CHID1: variants seen among roughly 807,000 people sequenced by gnomAD.
CHID1 encodes chitinase domain containing 1, also known as chitinase domain-containing protein 1.
A neutral mutation model predicts 55.4 loss-of-function variants in CHID1; 44 were observed. The observed-to-expected ratio is 0.79, with a 90% CI of 0.62 to 1.02. The LOEUF is 1.02. Ranked by LOEUF, CHID1 falls within the 50% of genes least tolerant of loss-of-function variation. The pLI is 0.00. For synonymous variants in CHID1, 216 were observed against 212.9 expected (o/e 1.01, Z -0.13); for missense variants, 491 against 515.3 (o/e 0.95, Z 0.46).
chr11:878,531 C>G (rs1394661413), intron 10 of CHID1, among the ~76,000 whole-genome samples: 1 of 151,774 alleles, frequency 6.6e-6, no homozygotes, highest in Admixed American at 6.5e-5. Context: ...CCATTGCACT[C>G]CAGCCTGGGC....
chr11:914,105 T>C (rs1852831991), upstream of CHID1, among the ~76,000 whole-genome samples: 1 of 151,882 alleles, frequency 6.6e-6, no homozygotes. Context: ...TCTTCTAGGC[T>C]TAAAAGGGAA....
At chr11:887,814 C>T (rs954519339) in intron 8 of CHID1, among the ~76,000 whole-genome samples, 15 of 152,226 alleles carry the variant, frequency 9.9e-5, no homozygotes, top group Admixed American at 7.9e-4. Context: ...CTGTCCCTCT[C>T]GTGGGCGCCA....
chr11:900,129 C>A lies in CHID1; in HGVS notation c.440-19G>T. The A allele has an allele frequency of 6.3e-7, 1 of 1,589,910 alleles. No homozygotes were observed. The highest frequency in any genetic ancestry group is 8.6e-7 in the Non-Finnish European group (1 of 1,158,998). On this transcript the variant is annotated intron_variant, in intron 5 of 12. Transcript: ENST00000323578. ...CGAGGCACTGCAGGGGCAACAGACA[C>A]ACACGGGGGCCGTGACTGGGAGATG...
intron 1 of CHID1, among the ~76,000 whole-genome samples, chr11:907,784 T>C (rs1052918934): frequency 1.3e-5 from 2 of 152,108 alleles, no homozygotes; most frequent in African/African-American, 4.8e-5. Flanking sequence ...CCTGAGTATA[T>C]GGGAGCTCAG....
upstream of CHID1, among the ~76,000 whole-genome samples, chr11:913,143 C>T (rs994880369): frequency 1.3e-5 from 2 of 148,148 alleles, no homozygotes; most frequent in Admixed American, 1.3e-4. Flanking sequence ...GGAAAATTGC[C>T]CCCCCCCGCA....
Position 891,326 on chromosome 11 carries a change from G to A in CHID1, c.701+2101C>T, listed in dbSNP as rs150673110. On this transcript the variant is annotated intron_variant, in intron 8 of 12. Transcript: ENST00000323578. Reference sequence around the variant, plus strand: ...GGGCCTCGGCCCCGCCCCCAGCCTCGTCACCGTGCCCGTAGCCCTGGCGTG... The same window carrying A: ...GGGCCTCGGCCCCGCCCCCAGCCTCATCACCGTGCCCGTAGCCCTGGCGTG... 2.7e-4 allele frequency among the ~76,000 whole-genome samples: 41 copies of A among 152,188 alleles called. No homozygotes were observed. In the East Asian group the frequency reaches 5.0e-3, roughly 19 times the overall value.
intron 7 of CHID1, 79 bp from the exon 8 acceptor site, chr11:893,598 G>C: frequency 1.7e-6 from 2 of 1,180,730 alleles, no homozygotes; most frequent in Non-Finnish European, 2.4e-6. Flanking sequence ...CGCTGCCTCA[G>C]GGAGGGGTGG....
At chr11:891,981 T>C (rs1850867563) in intron 8 of CHID1, among the ~76,000 whole-genome samples, 1 of 141,098 alleles carries the variant, frequency 7.1e-6, no homozygotes, top group South Asian at 2.2e-4. Context: ...CTGGGTGTGG[T>C]GACATGTGCC....
chr11:891,938 CAAAAAAAAAAAAA>C (rs57065345), intron 8 of CHID1, among the ~76,000 whole-genome samples: 2 of 102,934 alleles, frequency 1.9e-5, no homozygotes, highest in Non-Finnish European at 3.6e-5. Context: ...ACCTCATTTC[CAAAAAAAAAAAAA>C]AAAAAAAAAC....
chr11:911,041 G>C (rs1177222562), upstream of CHID1: 4 of 153,830 alleles, frequency 2.6e-5, no homozygotes, highest in African/African-American at 9.7e-5. Context: ...GCTGGAGCTG[G>C]TTATCAGGTT....
In CHID1 at chr11:869,799, GCTCA is replaced by G; in HGVS notation, c.*55_*58del. Reference sequence around the variant, plus strand: ...GAGTGGAGGCCTGTATTTCACACCTGCTCACTCACTCCATGGCTTAGAAAAGAAC... The same window carrying G: ...GAGTGGAGGCCTGTATTTCACACCTGCTCACTCCATGGCTTAGAAAAGAAC... On this transcript the variant is annotated 3_prime_UTR_variant, in exon 13 of 13. Transcript: ENST00000323578. 1.4e-6 allele frequency: 2 copies of G among 1,459,952 alleles called. No individual in the cohort carries two copies. Among genetic ancestry groups the G allele is most frequent in the South Asian group, 2.3e-5 (2 of 87,818 alleles). 90.4% of individuals were successfully genotyped at this position (1,459,952 alleles called of 1,614,324 possible). A position where few individuals can be genotyped will look rare whatever the true frequency, so the allele number is the denominator to read the frequency against.
Position 869,919 on chromosome 11 carries a change from C to CCCAGCTCCCGGG in CHID1, c.1109_1120dup (p.Ala370_Leu373dup). 1 of 1,612,850 alleles carries CCCAGCTCCCGGG rather than the reference C, an allele frequency of 6.2e-7. No individual in the cohort carries two copies. Among genetic ancestry groups the CCCAGCTCCCGGG allele is most frequent in the East Asian group, 2.2e-5 (1 of 44,888 alleles). ...CAGCTCCCAGATAGAGACCCCAACG[C>CCCAGCTCCCGGG]CCAGCTCCCGGGCCAGCTCCAGCCG... On this transcript the variant is annotated inframe_insertion, in exon 13 of 13. Coordinates refer to ENST00000323578, the MANE Select transcript of CHID1 (RefSeq NM_023947.4).
intron 3 of CHID1, 42 bp downstream of exon 3, chr11:902,920 A>G: frequency 6.3e-7 from 1 of 1,593,272 alleles, no homozygotes; most frequent in African/African-American, 1.3e-5. Context: ...AGCCCACCTG[A>G]GCCTCAGGAC....
chr11:870,255 C>T, intron 11 of CHID1, 92 bp from the exon 12 acceptor site: 2 of 1,552,934 alleles, frequency 1.3e-6, no homozygotes, highest in Non-Finnish European at 1.8e-6. Context: ...ACTCCTCCCA[C>T]CCACCAGGTG....
chr11:915,179 C>T (rs1464158271), upstream of CHID1: 1 of 152,746 alleles, frequency 6.5e-6, no homozygotes, highest in African/African-American at 2.4e-5. Context: ...GCGGAAGCTT[C>T]TGGATCCAGT....
chr11:914,435 G>C (rs1852843206), upstream of CHID1: 2 of 959,658 alleles, frequency 2.1e-6, no homozygotes, highest in African/African-American at 3.4e-5. Context: ...GAGTAGGGCA[G>C]GGGCAGGCCG....
chr11:910,687 G>C (rs1466505442), intron 1 of CHID1, 88 bp downstream of exon 1: 1 of 1,265,914 alleles, frequency 7.9e-7, no homozygotes, highest in South Asian at 1.3e-5. Context: ...CCGGGGCCGA[G>C]CCTCGCTGCC....
upstream of CHID1, among the ~76,000 whole-genome samples, chr11:913,295 C>T (rs1852793383): frequency 3.3e-5 from 5 of 152,320 alleles, no homozygotes; most frequent in South Asian, 1.0e-3. Flanking sequence ...GGATTATAGA[C>T]ATAAGCCACC....
chr11:869,955 G>T lies in CHID1; in HGVS notation c.1085C>A (p.Ser362Tyr), dbSNP rs761978057. ...GGCCAGCTCCAGCCGCACCTGCAGGGACTGGGCACAGATGGAGGTGTGAGC... is the reference window on the plus strand; with the variant it reads ...GGCCAGCTCCAGCCGCACCTGCAGGTACTGGGCACAGATGGAGGTGTGAGC... ...RHVVFYPTLK[S>Y]LQVRLELARE... The change falls in exon 13 of 13, where the codon TCC becomes TAC. Residue 362 changes from serine (S) to tyrosine (Y), a missense_variant and splice_region_variant. Transcript: ENST00000323578. 5 of 1,612,740 alleles carry T rather than the reference G, an allele frequency of 3.1e-6. No homozygotes were observed. The South Asian group carries it at 3.3e-5, about 11-fold the overall frequency.
Sources: gnomAD v4.1 joint callset for allele counts (sites outside exome capture counted in the v4.1 genomes callset) on GRCh38, gnomAD v4.1.1 for gene constraint, MANE v1.5 for transcripts, NCBI Gene and HGNC (gene_info 2026-07-23, HGNC 2026-07-21) for gene names.